EDIL3: variants seen among roughly 807,000 people sequenced by gnomAD.
EDIL3 encodes the protein EGF-like repeat and discoidin I-like domain-containing protein 3.
In EDIL3, 37 loss-of-function variants were observed where a neutral mutation model predicts 67.4. The observed-to-expected ratio is 0.55, with a 90% confidence interval of 0.42 to 0.72. The LOEUF (loss-of-function observed/expected upper bound fraction) is 0.72. EDIL3 is among the 30% of genes least tolerant of loss of function. The pLI, the probability that EDIL3 is intolerant of heterozygous loss-of-function variation, is 0.00. For missense variants in EDIL3, 527 were observed against 586.3 expected, an observed-to-expected ratio of 0.90 and a Z score of 1.04; for synonymous variants, 195 against 196.3, an observed-to-expected ratio of 0.99 and a Z score of 0.05.
At chr5:84,373,851 A>T (rs2112215763) in intron 1 of EDIL3, among the ~76,000 whole-genome samples, 1 of 152,316 alleles carries the variant, frequency 6.6e-6, no homozygotes, top group Admixed American at 6.5e-5. Flanking sequence ...GTAGCTGAGT[A>T]ATTTCATGTG....
chr5:84,307,495 T>A (rs2112137775), intron 1 of EDIL3, among the ~76,000 whole-genome samples: 1 of 152,266 alleles, frequency 6.6e-6, no homozygotes, highest in Middle Eastern at 3.4e-3. Flanking sequence ...GCTACAAAAA[T>A]AAACAATAAA....
chr5:84,361,661 T>A (rs1747612186), intron 1 of EDIL3, among the ~76,000 whole-genome samples: 1 of 151,892 alleles, frequency 6.6e-6, no homozygotes, highest in Admixed American at 6.6e-5. Context: ...GTTGACTTTT[T>A]TTTATACTAT....
intron 9 of EDIL3, among the ~76,000 whole-genome samples, chr5:83,990,154 T>C (rs1484803449): frequency 6.6e-6 from 1 of 152,108 alleles, no homozygotes; most frequent in Non-Finnish European, 1.5e-5. Context: ...GATACATAGG[T>C]ATTCTTTTAA....
chr5:84,125,532 T>A (rs1158666361), intron 5 of EDIL3, among the ~76,000 whole-genome samples: 1 of 152,000 alleles, frequency 6.6e-6, no homozygotes, highest in African/African-American at 2.4e-5. Flanking sequence ...GTGAGTGAAC[T>A]CTGATACAAG....
At chr5:83,967,292 G>A (rs1744706942) in intron 9 of EDIL3, among the ~76,000 whole-genome samples, 1 of 152,084 alleles carries the variant, frequency 6.6e-6, no homozygotes, top group Admixed American at 6.6e-5. Flanking sequence ...CTGTACTCCA[G>A]CCTGGGCAAC....
At chr5:84,323,225 G>A (rs1300525737) in intron 1 of EDIL3, among the ~76,000 whole-genome samples, 1 of 151,986 alleles carries the variant, frequency 6.6e-6, no homozygotes, top group Non-Finnish European at 1.5e-5. Context: ...AGAATTATCA[G>A]TGTATGTTTT....
In EDIL3 at chr5:84,293,713, G is replaced by C. The variant is rs535799951; in HGVS notation, c.68-39501C>G. On this transcript the variant is annotated intron_variant, in intron 1 of 10. Transcript: ENST00000296591. ...CAGTATTTTGCTTTGCCAGCTGTGG[G>C]AGGCTGGGGGAGGGGGGATTGTGGC... Among the ~76,000 whole-genome samples, 103 of 151,598 alleles carry C rather than the reference G, an allele frequency of 6.8e-4. 2 individuals carry two copies. Among genetic ancestry groups the C allele is most frequent in the African/African-American group, 2.4e-3 (100 of 41,216 alleles).
At chr5:84,001,421 C>T (rs1745329504) in intron 9 of EDIL3, among the ~76,000 whole-genome samples, 1 of 151,672 alleles carries the variant, frequency 6.6e-6, no homozygotes, top group African/African-American at 2.4e-5. Flanking sequence ...CAAGAGCAAA[C>T]CAAACATAAA....
chr5:84,242,528 T>C (rs964822884), intron 2 of EDIL3, among the ~76,000 whole-genome samples: 4 of 152,148 alleles, frequency 2.6e-5, no homozygotes, highest in Admixed American at 2.0e-4. Context: ...CTAGGTGCTG[T>C]GGCTCATGCC....
rs145488716 is a variant in EDIL3 at position 84,211,545 on chromosome 5, C to G, written c.226+18310G>C. Among the ~76,000 whole-genome samples, 723 of 152,098 alleles carry G rather than the reference C, an allele frequency of 4.8e-3. 4 individuals are homozygous for G. Among genetic ancestry groups the G allele is most frequent in the Middle Eastern group, 0.034 (10 of 294 alleles). ...TAGATTACCCAGATGGGCCCTAAAT[C>G]CCATAACAAGTGTCCTTCTAAGAAA... is the stretch of plus-strand genomic sequence containing the variant. On this transcript the variant is annotated intron_variant, in intron 3 of 10. Coordinates refer to ENST00000296591, the MANE Select transcript of EDIL3 (RefSeq NM_005711.5).
At chr5:84,314,884 A>G (rs1232277433) in intron 1 of EDIL3, among the ~76,000 whole-genome samples, 1 of 152,146 alleles carries the variant, frequency 6.6e-6, no homozygotes. Flanking sequence ...CCTATTAAGT[A>G]GCCCAAAAAC....
At chr5:84,264,159 T>A (rs1333429151) in intron 1 of EDIL3, among the ~76,000 whole-genome samples, 1 of 152,120 alleles carries the variant, frequency 6.6e-6, no homozygotes, top group Non-Finnish European at 1.5e-5. Flanking sequence ...GGCATGAGAA[T>A]CCCTTGAACC....
At chr5:83,999,633 T>C (rs527693058) in intron 9 of EDIL3, among the ~76,000 whole-genome samples, 16 of 152,036 alleles carry the variant, frequency 1.1e-4, no homozygotes, top group Non-Finnish European at 2.2e-4. Flanking sequence ...TAATGAAATA[T>C]ACTTAAAAGA....
intron 9 of EDIL3, among the ~76,000 whole-genome samples, chr5:83,982,865 C>T (rs1056154024): frequency 6.6e-6 from 1 of 152,114 alleles, no homozygotes; most frequent in African/African-American, 2.4e-5. Context: ...CATGTTTGGC[C>T]ACTGTGCTGA....
At chr5:84,366,861 T>C (rs949928644) in intron 1 of EDIL3, among the ~76,000 whole-genome samples, 1 of 152,360 alleles carries the variant, frequency 6.6e-6, no homozygotes, top group East Asian at 1.9e-4. Flanking sequence ...TCTGGCATTT[T>C]TTCCAATACC....
chr5:84,224,160 T>C (rs1018960794), intron 3 of EDIL3, among the ~76,000 whole-genome samples: 1 of 151,538 alleles, frequency 6.6e-6, no homozygotes, highest in African/African-American at 2.4e-5. Flanking sequence ...CAGCGACTTA[T>C]TGTATAGCTG....
intron 1 of EDIL3, among the ~76,000 whole-genome samples, chr5:84,260,761 T>C (rs930156775): frequency 6.6e-6 from 1 of 152,180 alleles, no homozygotes; most frequent in Non-Finnish European, 1.5e-5. Flanking sequence ...ACCTAGAATA[T>C]GTCTGCACCA....
At chr5:84,005,951 T>C (rs1297003095) in intron 9 of EDIL3, among the ~76,000 whole-genome samples, 1 of 152,026 alleles carries the variant, frequency 6.6e-6, no homozygotes, top group African/African-American at 2.4e-5. Flanking sequence ...AGCTCCTAGA[T>C]GTGATAAACA....
chr5:84,109,680 C>T (rs1281544531), intron 5 of EDIL3, among the ~76,000 whole-genome samples: 1 of 152,046 alleles, frequency 6.6e-6, no homozygotes, highest in African/African-American at 2.4e-5. Flanking sequence ...TATATTGTTG[C>T]TTTAAACAAA....
Sources: allele counts gnomAD v4.1 joint callset (sites outside exome capture counted in the v4.1 genomes callset), GRCh38; gene constraint gnomAD v4.1.1; transcripts MANE v1.5; gene names NCBI Gene and HGNC (gene_info 2026-07-23, HGNC 2026-07-21).